Variants in ACTC1 observed in about 807,000 individuals in gnomAD.
The protein encoded by ACTC1 is actin, alpha cardiac muscle 1.
Under a neutral mutation model 31.6 loss-of-function variants are expected in ACTC1, and 10 were observed. That is an observed-to-expected ratio of 0.32 (90% CI 0.19 to 0.54). The LOEUF (loss-of-function observed/expected upper bound fraction) is 0.54. Among genes scored for constraint, ACTC1 ranks in the 20% least tolerant of loss-of-function variants. The pLI is 0.95. For missense variants in ACTC1, 129 were observed against 506.4 expected, an observed-to-expected ratio of 0.25 and a Z score of 7.15; for synonymous variants, 196 against 185.0, an observed-to-expected ratio of 1.06 and a Z score of -0.48.
Position 34,790,253 on chromosome 15 carries a change from T to A in ACTC1, c.*159A>T. On this transcript the variant is annotated 3_prime_UTR_variant, in exon 7 of 7. Transcript: ENST00000290378. ...TATAGGTTGCAAGTCCTGGTCTGGT[T>A]TATTTATAAAGCAATAAATATTAGA... 3 of 1,028,894 alleles carry A rather than the reference T, an allele frequency of 2.9e-6. No individual in the cohort carries two copies. In the East Asian group the frequency reaches 7.9e-5, roughly 27 times the overall value. 63.7% of individuals were successfully genotyped at this position (1,028,894 alleles called of 1,614,324 possible). A position where few individuals can be genotyped will look rare whatever the true frequency, so the allele number is the denominator to read the frequency against.
At position 34,792,714 on chromosome 15, in the gene ACTC1, A is replaced by G. The variant is rs1566967566; in HGVS notation, c.455-145T>C. On this transcript the variant is annotated intron_variant, in intron 3 of 6. Coordinates refer to ENST00000290378, the MANE Select transcript of ACTC1 (RefSeq NM_005159.5). This position sits in a 1 kb window ranked among gnomAD's most constrained non-coding sequence, Gnocchi z 5.3. ...ATAAAATTAGATTCCTTACACACAA[A>G]GAATAAAAATGCGCATCAGGAATAC... The G allele has an allele frequency of 1.8e-5, 15 of 850,752 alleles. No individual in the cohort carries two copies. Among genetic ancestry groups the G allele is most frequent in the Non-Finnish European group, 2.7e-5 (14 of 520,886 alleles). The allele number at this position is 850,752 out of a possible 1,614,324, so 52.7% of individuals were successfully genotyped here.
Position 34,791,307 on chromosome 15 carries a change from TCACACACACACACACACACACACACA to T in ACTC1, c.809-38_809-13del. 1 of 1,307,608 alleles carries T rather than the reference TCACACACACACACACACACACACACA, an allele frequency of 7.6e-7. No homozygotes were observed. The highest frequency in any genetic ancestry group is 1.1e-6 in the Non-Finnish European group (1 of 932,432). The allele number at this position is 1,307,608 out of a possible 1,614,324, so 81.0% of individuals were successfully genotyped here. On this transcript the variant is annotated splice_polypyrimidine_tract_variant and intron_variant, in intron 5 of 6. Transcript: ENST00000290378. Reference sequence around the variant, plus strand: ...AGCAGATTCCATACCTGGGAACGAGTCACACACACACACACACACACACACACACACACACACACACACACATCACA... The same window carrying T: ...AGCAGATTCCATACCTGGGAACGAGTCACACACACACACACACACATCACA...
chr15:34,792,391 G>A lies in ACTC1; in HGVS notation c.616+17C>T. On this transcript the variant is annotated intron_variant, in intron 4 of 6. Coordinates refer to ENST00000290378, the MANE Select transcript of ACTC1 (RefSeq NM_005159.5). This position sits in a 1 kb window ranked among gnomAD's most constrained non-coding sequence, Gnocchi z 5.3. Reference sequence around the variant, plus strand: ...AAAGCAGACCCACACTGTGGCAGATGAGACACACACACTCACCAGTGGTGA... The same window carrying A: ...AAAGCAGACCCACACTGTGGCAGATAAGACACACACACTCACCAGTGGTGA... The A allele has an allele frequency of 6.2e-7, 1 of 1,614,182 alleles. No homozygotes were observed. Among genetic ancestry groups the A allele is most frequent in the African/African-American group, 1.3e-5 (1 of 75,058 alleles).
chr15:34,794,310 G>A (rs1891769062), intron 2 of ACTC1, among the ~76,000 whole-genome samples: 1 of 152,226 alleles, frequency 6.6e-6, no homozygotes, highest in Admixed American at 6.5e-5. Context: ...GTCCTGGTTG[G>A]TTGGGAGAGG....
chr15:34,790,680 C>A, intron 6 of ACTC1, 125 bp from the exon 7 acceptor site: 1 of 1,069,116 alleles, frequency 9.4e-7, no homozygotes, highest in South Asian at 1.4e-5. Context: ...TGGGATATGT[C>A]ATACCACGAA....
Position 34,792,916 on chromosome 15 carries a change from C to G in ACTC1, c.454+329G>C. The G allele has an allele frequency of 7.8e-6, 4 of 511,080 alleles. No individual in the cohort carries two copies. Among genetic ancestry groups the G allele is most frequent in the Non-Finnish European group, 1.4e-5 (4 of 282,748 alleles). 31.7% of individuals were successfully genotyped at this position (511,080 alleles called of 1,614,324 possible). ...GTTTCTCTCTCTTTTGACTCAGACC[C>G]TGTATGGAATGTATTCTCCTTGGGG... is the stretch of plus-strand genomic sequence containing the variant. On this transcript the variant is annotated intron_variant, in intron 3 of 6. Coordinates refer to ENST00000290378, the MANE Select transcript of ACTC1 (RefSeq NM_005159.5). This position sits in a 1 kb window ranked among gnomAD's most constrained non-coding sequence, Gnocchi z 5.3.
chr15:34,790,653 A>G, intron 6 of ACTC1, 98 bp from the exon 7 acceptor site: 1 of 1,424,574 alleles, frequency 7.0e-7, no homozygotes, highest in Middle Eastern at 1.7e-4. Flanking sequence ...ACCATTAGAT[A>G]TTAATTCGCT....
Position 34,792,730 on chromosome 15 carries a change from T to G in ACTC1, c.455-161A>C. On this transcript the variant is annotated intron_variant, in intron 3 of 6. Coordinates refer to ENST00000290378, the MANE Select transcript of ACTC1 (RefSeq NM_005159.5). This position sits in a 1 kb window ranked among gnomAD's most constrained non-coding sequence, Gnocchi z 5.3. Reference sequence around the variant, plus strand: ...TACACACAAAGAATAAAAATGCGCATCAGGAATACTAAATCTGAAGCAAAC... The same window carrying G: ...TACACACAAAGAATAAAAATGCGCAGCAGGAATACTAAATCTGAAGCAAAC... 15 of 732,686 alleles carry G rather than the reference T, an allele frequency of 2.0e-5. No individual in the cohort carries two copies. Among genetic ancestry groups the G allele is most frequent in the East Asian group, 5.5e-5 (2 of 36,152 alleles). The allele number at this position is 732,686 out of a possible 1,614,324, so 45.4% of individuals were successfully genotyped here.
Position 34,792,992 on chromosome 15 carries a change from A to T in ACTC1, c.454+253T>A. On this transcript the variant is annotated intron_variant, in intron 3 of 6. Transcript: ENST00000290378. This position sits in a 1 kb window ranked among gnomAD's most constrained non-coding sequence, Gnocchi z 5.3. ...TTAAACACATAACAATGACTGCTGCACTCCAAGCTGCTACACTGCGCTGAG... is the reference window on the plus strand; with the variant it reads ...TTAAACACATAACAATGACTGCTGCTCTCCAAGCTGCTACACTGCGCTGAG... The T allele has an allele frequency of 7.1e-6, 4 of 565,258 alleles. No homozygotes were observed. The highest frequency in any genetic ancestry group is 1.3e-5 in the Non-Finnish European group (4 of 316,966). 35.0% of individuals were successfully genotyped at this position (565,258 alleles called of 1,614,324 possible).
chr15:34,791,032 T>C (rs1891693722), intron 6 of ACTC1, 82 bp downstream of exon 6: 11 of 1,324,222 alleles, frequency 8.3e-6, no homozygotes, highest in Non-Finnish European at 1.1e-5. Flanking sequence ...AAACTGAGTA[T>C]GAGGGAAAAG....
intron 1 of ACTC1, among the ~76,000 whole-genome samples, 154 bp from the exon 2 acceptor site, chr15:34,794,984 T>C (rs1205554622): frequency 6.6e-6 from 1 of 151,880 alleles, no homozygotes; most frequent in Non-Finnish European, 1.5e-5. Context: ...TCCCCTCGAA[T>C]CATAAAAGGG....
At chr15:34,794,658 G>C (rs1221523883) in intron 2 of ACTC1, 22 bp downstream of exon 2, 8 of 1,608,280 alleles carry the variant, frequency 5.0e-6, no homozygotes, top group Non-Finnish European at 6.8e-6. Flanking sequence ...GAGTGGGACG[G>C]GGGGCTCGGC....
intron 5 of ACTC1, chr15:34,791,830 C>A (rs1162768042): frequency 2.0e-6 from 1 of 490,334 alleles, no homozygotes; most frequent in Non-Finnish European, 3.7e-6. Flanking sequence ...CCTTTTCCTG[C>A]AGATACGTGC....
At position 34,792,158 on chromosome 15, in the gene ACTC1, CCATCAGGCAGTTCATAGCTCTT is replaced by C; in HGVS notation, c.718_739del (p.Lys240AlafsTer39). Reference sequence around the variant, plus strand: ...CTCATTGCCAATAGTGATGACTTGGCCATCAGGCAGTTCATAGCTCTTCTCCAGGGAGGAGGAAGAGGCAGCT... The same window carrying C: ...CTCATTGCCAATAGTGATGACTTGGCCTCCAGGGAGGAGGAAGAGGCAGCT... On this transcript the variant is annotated frameshift_variant, in exon 5 of 7. Coordinates refer to ENST00000290378, the MANE Select transcript of ACTC1 (RefSeq NM_005159.5). LOFTEE classifies it high-confidence loss of function. The surrounding 1 kb of genome is among the most constrained non-coding windows in gnomAD (Gnocchi z 5.3). The C allele has an allele frequency of 6.2e-7, 1 of 1,614,226 alleles. No individual in the cohort carries two copies. The highest frequency in any genetic ancestry group is 8.5e-7 in the Non-Finnish European group (1 of 1,180,042).
chr15:34,795,049 A>C (rs1891793568), intron 1 of ACTC1, among the ~76,000 whole-genome samples: 1 of 152,146 alleles, frequency 6.6e-6, no homozygotes, highest in African/African-American at 2.4e-5. Context: ...GAATCCACCC[A>C]GGCTCCCTGG....
chr15:34,794,080 C>T (rs558820668), intron 2 of ACTC1, among the ~76,000 whole-genome samples: 1 of 152,322 alleles, frequency 6.6e-6, no homozygotes, highest in East Asian at 1.9e-4. Flanking sequence ...GAGGACTAAG[C>T]TCTCCTGCTT....
chr15:34,791,568 A>G, intron 5 of ACTC1: 1 of 476,730 alleles, frequency 2.1e-6, no homozygotes, highest in Non-Finnish European at 3.7e-6. Context: ...TCTCAGATGT[A>G]TGAAGATGTA....
At position 34,795,532 on chromosome 15, in the gene ACTC1, C is replaced by G. The variant is rs1891811773; in HGVS notation, c.-49G>C. 1 of 152,674 alleles carries G rather than the reference C, an allele frequency of 6.5e-6. No homozygotes were observed. Among genetic ancestry groups the G allele is most frequent in the South Asian group, 2.0e-4 (1 of 4,892 alleles). 9.5% of individuals were successfully genotyped at this position (152,674 alleles called of 1,614,324 possible). ...GTCGGCGGGGCGGGTCGGCTCGGCT[C>G]CGGCGGCAGCGGGCTCTGGGTGGCT... On this transcript the variant is annotated 5_prime_UTR_variant, in exon 1 of 7. Transcript: ENST00000290378.
rs1248403234 is a variant in ACTC1, at chr15:34,790,248, C to A, written c.*164G>T. 2.1e-6 allele frequency: 2 copies of A among 974,650 alleles called. No homozygotes were observed. The highest frequency in any genetic ancestry group is 1.6e-5 in the African/African-American group (1 of 61,660). 60.4% of individuals were successfully genotyped at this position (974,650 alleles called of 1,614,324 possible). A position where few individuals can be genotyped will look rare whatever the true frequency, so the allele number is the denominator to read the frequency against. The stretch of plus-strand genomic sequence containing the variant: ...GCTTTTATAGGTTGCAAGTCCTGGT[C>A]TGGTTTATTTATAAAGCAATAAATA... On this transcript the variant is annotated 3_prime_UTR_variant, in exon 7 of 7. Transcript: ENST00000290378.
Sources: allele counts gnomAD v4.1 joint callset (sites outside exome capture counted in the v4.1 genomes callset), GRCh38; gene constraint gnomAD v4.1.1; non-coding constraint Gnocchi (gnomAD v3.1); transcripts MANE v1.5; gene names NCBI Gene and HGNC (gene_info 2026-07-23, HGNC 2026-07-21).